The following AGTPBP1 variants were observed in gnomAD, a reference collection of about 807,000 sequenced individuals.
AGTPBP1 encodes the protein ATP/GTP binding carboxypeptidase 1, also known as cytosolic carboxypeptidase 1.
Under a neutral mutation model 143.9 loss-of-function variants are expected in AGTPBP1, and 70 were observed. The ratio of observed to expected loss-of-function variants is 0.49; its 90% CI spans 0.40 to 0.59. The LOEUF (loss-of-function observed/expected upper bound fraction) is 0.59, where lower values mean the gene tolerates loss of function less well. AGTPBP1 is among the 20% of genes least tolerant of loss of function. AGTPBP1 has a pLI of 0.00. For missense variants in AGTPBP1, 1,229 were observed against 1,464.5 expected (o/e 0.84, Z 2.62); for synonymous variants, 463 against 500.2 (o/e 0.93, Z 0.99).
At chr9:85,684,706 C>G (rs1835384893) in intron 3 of AGTPBP1, among the ~76,000 whole-genome samples, 1 of 152,126 alleles carries the variant, frequency 6.6e-6, no homozygotes, top group African/African-American at 2.4e-5. Context: ...TCAAAAAGAA[C>G]TTTAAACTTC....
the AGTPBP1 span, among the ~76,000 whole-genome samples, chr9:85,750,004 C>T: frequency 6.6e-6 from 1 of 151,942 alleles, no homozygotes; most frequent in Non-Finnish European, 1.5e-5. Context: ...GCCTCAGCCT[C>T]CCAAGTAGCT....
intron 1 of AGTPBP1, among the ~76,000 whole-genome samples, chr9:85,729,974 A>G (rs1838772911): frequency 6.6e-6 from 1 of 152,216 alleles, no homozygotes; most frequent in Admixed American, 6.5e-5. Context: ...AACAGGCCCA[A>G]CATGGTTCTA....
intron 17 of AGTPBP1, among the ~76,000 whole-genome samples, chr9:85,602,659 C>T (rs952536985): frequency 6.6e-6 from 1 of 152,142 alleles, no homozygotes; most frequent in Non-Finnish European, 1.5e-5. Context: ...CCACTCCATG[C>T]CCCACAATAG....
chr9:85,592,548 T>G lies in AGTPBP1; in HGVS notation c.2568+12A>C. 1 of 1,562,192 alleles carries G rather than the reference T, an allele frequency of 6.4e-7. No individual in the cohort carries two copies. The highest frequency in any genetic ancestry group is 8.6e-7 in the Non-Finnish European group (1 of 1,156,270). Reference sequence around the variant, plus strand: ...CATATCCATATAATACAATTTAATTTAGAGTTCTTACCTGTAAAGTTGAAT... The same window carrying G: ...CATATCCATATAATACAATTTAATTGAGAGTTCTTACCTGTAAAGTTGAAT... On this transcript the variant is annotated intron_variant, in intron 19 of 25. Transcript: ENST00000357081.
Position 85,608,625 on chromosome 9 carries a change from ATCT to A in AGTPBP1, c.2335+10355_2335+10357del, listed in dbSNP as rs200596562. On this transcript the variant is annotated intron_variant, in intron 17 of 25. Coordinates refer to ENST00000357081, the MANE Select transcript of AGTPBP1 (RefSeq NM_001330701.2). ...TTATCAGCAAATTTTAAGCAAAGAT[ATCT>A]TCTTTGCTTGGAATTTGATGATAAT... 7.3e-3 allele frequency among the ~76,000 whole-genome samples: 1,115 copies of A among 151,998 alleles called. 11 individuals are homozygous for A. Among genetic ancestry groups the A allele is most frequent in the Admixed American group, 0.017 (259 of 15,236 alleles).
intron 9 of AGTPBP1, among the ~76,000 whole-genome samples, chr9:85,658,019 T>C (rs1342088855): frequency 6.6e-6 from 1 of 152,146 alleles, no homozygotes; most frequent in Admixed American, 6.5e-5. Flanking sequence ...TACTTGCTAG[T>C]TGTGAATGTG....
chr9:85,642,860 T>C lies in AGTPBP1; in HGVS notation c.1269A>G (p.Glu423=). 1.2e-6 allele frequency: 2 copies of C among 1,613,084 alleles called. No homozygotes were observed. The highest frequency in any genetic ancestry group is 8.5e-7 in the Non-Finnish European group (1 of 1,179,714). ...CATCAACAAGCTCAGGGAAAAGGTG[T>C]TCATACATTTTTAGATCTTCTATTG... is the stretch of plus-strand genomic sequence containing the variant. ...GRTIEDLKMY[E]HLFPELVDDF... The change falls in exon 13 of 26, where the codon GAA becomes GAG. Residue 423 remains glutamate, a synonymous_variant. Coordinates refer to ENST00000357081, the MANE Select transcript of AGTPBP1 (RefSeq NM_001330701.2).
At chr9:85,581,724 A>G (rs1010074529) in intron 23 of AGTPBP1, among the ~76,000 whole-genome samples, 1 of 152,188 alleles carries the variant, frequency 6.6e-6, no homozygotes, top group East Asian at 1.9e-4. Context: ...GCTAAATTAC[A>G]TATTTCCATA....
intron 6 of AGTPBP1, among the ~76,000 whole-genome samples, chr9:85,676,630 G>A (rs1241109824): frequency 1.3e-5 from 2 of 152,064 alleles, no homozygotes; most frequent in Non-Finnish European, 2.9e-5. Context: ...ACAGTATGGG[G>A]GTTCCCCAAA....
intron 20 of AGTPBP1, among the ~76,000 whole-genome samples, 156 bp downstream of exon 20, chr9:85,589,372 G>A (rs1448871002): frequency 6.6e-6 from 1 of 152,058 alleles, no homozygotes; most frequent in Non-Finnish European, 1.5e-5. Flanking sequence ...GAGGCCCAGA[G>A]GTGGGCTCAT....
intron 22 of AGTPBP1, among the ~76,000 whole-genome samples, chr9:85,586,407 A>G (rs962405298): frequency 2.0e-5 from 3 of 152,178 alleles, no homozygotes; most frequent in Non-Finnish European, 2.9e-5. Flanking sequence ...ACACATTAAT[A>G]TAACAGGAAC....
intron 17 of AGTPBP1, among the ~76,000 whole-genome samples, chr9:85,596,890 T>C (rs1409305075): frequency 2.0e-5 from 3 of 152,088 alleles, no homozygotes; most frequent in Admixed American, 1.3e-4. Flanking sequence ...TCCATACATA[T>C]ATGTGTTTGT....
At chr9:85,648,609 G>A (rs549540079) in intron 11 of AGTPBP1, among the ~76,000 whole-genome samples, 29 of 152,250 alleles carry the variant, frequency 1.9e-4, no homozygotes, top group African/African-American at 6.7e-4. Context: ...TCAGGAGATC[G>A]AGACCATCCT....
the AGTPBP1 span, among the ~76,000 whole-genome samples, chr9:85,760,013 A>T: frequency 6.6e-3 from 999 of 152,274 alleles, 15 homozygotes; most frequent in African/African-American, 0.023. Flanking sequence ...AAACTAGAAA[A>T]TCTAGAAGAA....
At position 85,677,532 on chromosome 9, in the gene AGTPBP1, A is replaced by AT. The variant is rs1173838319; in HGVS notation, c.339dup (p.Leu114IlefsTer16). 1 of 1,601,760 alleles carries AT rather than the reference A, an allele frequency of 6.2e-7. No homozygotes were observed. The highest frequency in any genetic ancestry group is 8.5e-7 in the Non-Finnish European group (1 of 1,174,234). On this transcript the variant is annotated frameshift_variant, in exon 6 of 26. Transcript: ENST00000357081. LOFTEE classifies it high-confidence loss of function. ...CTGGCATTCATAAGTAACTGCAACA[A>AT]TATTTGTGAACCACCTTTGGTGACT...
In AGTPBP1 at chr9:85,692,670, A is replaced by G. The variant is rs1476458044; in HGVS notation, c.157+19T>C. On this transcript the variant is annotated intron_variant, in intron 3 of 25. Transcript: ENST00000357081. ...AATTAAAAAAGCATTTCAAAAACAA[A>G]GAAGAGATCAATGTTTACCTTGACT... 1 of 1,606,992 alleles carries G rather than the reference A, an allele frequency of 6.2e-7. No individual in the cohort carries two copies. The highest frequency in any genetic ancestry group is 8.5e-7 in the Non-Finnish European group (1 of 1,178,198).
chr9:85,768,380 T>C, the AGTPBP1 span, among the ~76,000 whole-genome samples: 2 of 152,324 alleles, frequency 1.3e-5, no homozygotes, highest in African/African-American at 4.8e-5. Context: ...TTCTTGGAAA[T>C]TGTGACTTTA....
intron 25 of AGTPBP1, among the ~76,000 whole-genome samples, chr9:85,565,892 T>C (rs1827054087): frequency 6.6e-6 from 1 of 152,188 alleles, no homozygotes; most frequent in Admixed American, 6.5e-5. Flanking sequence ...CATATACTTC[T>C]TTCAGGTAAA....
intron 23 of AGTPBP1, among the ~76,000 whole-genome samples, chr9:85,582,271 T>C (rs1174822269): frequency 3.3e-5 from 5 of 152,186 alleles, no homozygotes; most frequent in Non-Finnish European, 5.9e-5. Context: ...GAATCTCACA[T>C]TGCATTTAGT....
Sources: gnomAD v4.1 joint callset for allele counts (sites outside exome capture counted in the v4.1 genomes callset) on GRCh38, gnomAD v4.1.1 for gene constraint, MANE v1.5 for transcripts, NCBI Gene and HGNC (gene_info 2026-07-23, HGNC 2026-07-21) for gene names.